The following C11orf65 variants were observed in gnomAD, a reference collection of about 807,000 sequenced individuals.
C11orf65 encodes the protein chromosome 11 open reading frame 65, also known as protein MFI.
C11orf65 carries 38 observed loss-of-function variants against 35.3 expected under a neutral mutation model. The ratio of observed to expected loss-of-function variants is 1.08; its 90% CI spans 0.83 to 1.41. The LOEUF (loss-of-function observed/expected upper bound fraction) is 1.41. Ranked by LOEUF, C11orf65 falls within the 40% of genes most tolerant of loss-of-function variation. The probability of loss-of-function intolerance (pLI) is 0.00; values close to 1 mark genes in which losing one functional copy is unlikely to be tolerated. For missense variants in C11orf65, 370 were observed against 367.1 expected (o/e 1.01, Z -0.06); for synonymous variants, 105 against 114.4 (o/e 0.92, Z 0.53).
At chr11:108,329,175 C>G (rs370567994), downstream of C11orf65, 39 of 1,613,872 alleles carry the variant, frequency 2.4e-5, no homozygotes, top group African/African-American at 4.9e-4. Flanking sequence ...AACAAGCAAG[C>G]TCTCCTGAAA....
At chr11:108,389,812 G>A (rs1002596602) in intron 7 of C11orf65, among the ~76,000 whole-genome samples, 3 of 148,256 alleles carry the variant, frequency 2.0e-5, no homozygotes, top group Non-Finnish European at 4.5e-5. Flanking sequence ...CTCCTGCCTC[G>A]GCCTCCCAAG....
intron 6 of C11orf65, chr11:108,310,278 T>C: frequency 1.2e-6 from 2 of 1,613,672 alleles, no homozygotes; most frequent in Non-Finnish European, 1.7e-6. Context: ...TGCAGAAATC[T>C]ATGCAGATAA....
intron 6 of C11orf65, among the ~76,000 whole-genome samples, chr11:108,397,973 G>A (rs904435224): frequency 4.6e-5 from 7 of 152,130 alleles, no homozygotes; most frequent in African/African-American, 1.7e-4. Flanking sequence ...CACATCAAAA[G>A]GAAGTACCTA....
chr11:108,438,990 A>G (rs948646905), intron 2 of C11orf65, among the ~76,000 whole-genome samples: 1 of 152,018 alleles, frequency 6.6e-6, no homozygotes, highest in Non-Finnish European at 1.5e-5. Flanking sequence ...TGGGTGACAG[A>G]GCGAGACTCC....
rs376470433 is a variant in C11orf65, at chr11:108,407,914, A to G, written c.175-765T>C. Among the ~76,000 whole-genome samples, 9 of 138,458 alleles carry G rather than the reference A, an allele frequency of 6.5e-5. No individual in the cohort carries two copies. The East Asian group carries it at 1.3e-3, about 19-fold the overall frequency. 90.8% of individuals were successfully genotyped at this position (138,458 alleles called of 152,430 possible). A position where few individuals can be genotyped will look rare whatever the true frequency, so the allele number is the denominator to read the frequency against. On this transcript the variant is annotated intron_variant, in intron 3 of 8. Transcript: ENST00000393084. ...CCCACTGCACTCCAGCCTGGGCGAC[A>G]GAGCAAGACTCTGTCTCAAAAAAAA...
intron 2 of C11orf65, among the ~76,000 whole-genome samples, chr11:108,338,657 A>G (rs921708625): frequency 6.8e-6 from 1 of 147,212 alleles, no homozygotes; most frequent in Non-Finnish European, 1.5e-5. Context: ...ACTTGTCTTA[A>G]AAAAAAAAAA....
chr11:108,347,382 A>C (rs765608446), intron 2 of C11orf65: 1 of 1,538,570 alleles, frequency 6.5e-7, no homozygotes. Flanking sequence ...AATAAAATCT[A>C]TGTATCTATT....
intron 3 of C11orf65, among the ~76,000 whole-genome samples, chr11:108,417,241 T>C (rs1317968758): frequency 6.6e-6 from 1 of 152,126 alleles, no homozygotes; most frequent in Non-Finnish European, 1.5e-5. Flanking sequence ...TAAAAAATGT[T>C]AGCTAACAAC....
intron 5 of C11orf65, among the ~76,000 whole-genome samples, 160 bp from the exon 6 acceptor site, chr11:108,405,719 GAGT>G (rs2092528697): frequency 6.6e-6 from 1 of 152,192 alleles, no homozygotes; most frequent in African/African-American, 2.4e-5. Context: ...AGTGATGGGT[GAGT>G]AGTACACTCA....
intron 3 of C11orf65, among the ~76,000 whole-genome samples, chr11:108,423,352 G>A (rs1055855736): frequency 7.2e-5 from 11 of 152,182 alleles, no homozygotes; most frequent in African/African-American, 2.7e-4. Context: ...TTTGCTGCCA[G>A]CACAACAGTC....
chr11:108,326,277 A>G (rs752506438), intron 6 of C11orf65: 2 of 1,596,120 alleles, frequency 1.3e-6, no homozygotes, highest in African/African-American at 1.3e-5. Flanking sequence ...TTAAAAAAAC[A>G]CAAATGTACT....
In C11orf65 at chr11:108,408,714, AAAATAAAATAAAATAAAATG is replaced by A. The variant is rs1229702921; in HGVS notation, c.175-1585_175-1566del. On this transcript the variant is annotated intron_variant, in intron 3 of 8. Transcript: ENST00000393084. ...AAAATAAAATAAAATAAAATAAAATAAAATAAAATAAAATAAAATGATATAAGAATTGTATATAATAGGTT... is the reference window on the plus strand; with the variant it reads ...AAAATAAAATAAAATAAAATAAAATAATATAAGAATTGTATATAATAGGTT... 6.4e-3 allele frequency among the ~76,000 whole-genome samples: 868 copies of A among 135,926 alleles called. 59 individuals are homozygous for A. The highest frequency in any genetic ancestry group is 0.022 in the African/African-American group (774 of 34,964). 89.2% of individuals were successfully genotyped at this position (135,926 alleles called of 152,430 possible). A position where few individuals can be genotyped will look rare whatever the true frequency, so the allele number is the denominator to read the frequency against.
intron 2 of C11orf65, among the ~76,000 whole-genome samples, chr11:108,359,132 C>G (rs1299495591): frequency 5.3e-5 from 8 of 149,938 alleles, no homozygotes; most frequent in African/African-American, 2.0e-4. Context: ...CAAAAAAAGG[C>G]AGGGGTTGCA....
chr11:108,432,447 T>A (rs771851773), intron 2 of C11orf65, among the ~76,000 whole-genome samples: 1 of 152,242 alleles, frequency 6.6e-6, no homozygotes, highest in Admixed American at 6.5e-5. Flanking sequence ...TACAGGATTC[T>A]GTAATGGTAA....
upstream of C11orf65, among the ~76,000 whole-genome samples, chr11:108,467,982 C>T (rs2093558053): frequency 6.6e-6 from 1 of 151,848 alleles, no homozygotes; most frequent in Admixed American, 6.6e-5. Flanking sequence ...TGCACCACCA[C>T]GCCAGGCTCA....
intron 2 of C11orf65, among the ~76,000 whole-genome samples, chr11:108,354,082 C>CAT (rs1555143115): frequency 1.3e-5 from 2 of 150,410 alleles, no homozygotes; most frequent in African/African-American, 5.0e-5. Flanking sequence ...CACACACACA[C>CAT]ACACACACAC....
chr11:108,366,868 C>T (rs1294561593), intron 2 of C11orf65: 1 of 229,492 alleles, frequency 4.4e-6, no homozygotes, highest in African/African-American at 2.2e-5. Flanking sequence ...CTTTGGCAAG[C>T]CCTGGGTTCT....
chr11:108,438,178 C>T (rs1288150176), intron 2 of C11orf65, among the ~76,000 whole-genome samples: 6 of 152,078 alleles, frequency 3.9e-5, no homozygotes, highest in East Asian at 3.8e-4. Flanking sequence ...CAAATGTATC[C>T]GTGACAATTA....
chr11:108,399,056 G>A (rs1055706400), intron 6 of C11orf65, among the ~76,000 whole-genome samples: 1 of 152,082 alleles, frequency 6.6e-6, no homozygotes, highest in African/African-American at 2.4e-5. Flanking sequence ...TGGTGAGGGG[G>A]AAGACCAAGT....
Sources: gnomAD v4.1 joint callset for allele counts (sites outside exome capture counted in the v4.1 genomes callset) on GRCh38, gnomAD v4.1.1 for gene constraint, MANE v1.5 for transcripts, NCBI Gene and HGNC (gene_info 2026-07-23, HGNC 2026-07-21) for gene names.